Variants in PCDH7 observed in about 807,000 individuals in gnomAD.
PCDH7 encodes protocadherin-7.
Under a neutral mutation model 58.9 loss-of-function variants are expected in PCDH7, and 17 were observed. The observed-to-expected ratio is 0.29, with a 90% confidence interval of 0.20 to 0.43. The LOEUF is 0.43. Among genes scored for constraint, PCDH7 ranks in the 20% least tolerant of loss-of-function variants. The probability of loss-of-function intolerance (pLI) is 1.00; values close to 1 mark genes in which losing one functional copy is unlikely to be tolerated. For synonymous variants in PCDH7, 664 were observed against 616.4 expected (o/e 1.08, Z -1.14); for missense variants, 1,274 against 1,441.0 (o/e 0.88, Z 1.88).
chr4:31,047,804 G>T (rs1459507088), intron 3 of PCDH7, among the ~76,000 whole-genome samples: 5 of 151,978 alleles, frequency 3.3e-5, no homozygotes, highest in African/African-American at 9.7e-5. Context: ...TTTCTTCCTT[G>T]AGGCTCCTAT....
intron 3 of PCDH7, among the ~76,000 whole-genome samples, chr4:31,097,779 T>C (rs909978382): frequency 2.0e-5 from 3 of 151,444 alleles, no homozygotes; most frequent in Non-Finnish European, 4.4e-5. Context: ...TAGCTCTGCC[T>C]TTTTATATGT....
At chr4:30,842,232 T>A (rs999966824) in intron 1 of PCDH7, among the ~76,000 whole-genome samples, 3 of 152,126 alleles carry the variant, frequency 2.0e-5, no homozygotes, top group Admixed American at 6.6e-5. Context: ...TGGTGCTCTG[T>A]ATATGGGGTT....
intron 3 of PCDH7, among the ~76,000 whole-genome samples, chr4:31,080,982 C>A (rs1759453717): frequency 6.6e-6 from 1 of 152,292 alleles, no homozygotes; most frequent in South Asian, 2.1e-4. Flanking sequence ...TAAGACATGC[C>A]TTTCACTTTC....
chr4:30,992,010 A>G (rs964223754), intron 3 of PCDH7, among the ~76,000 whole-genome samples: 7 of 152,182 alleles, frequency 4.6e-5, no homozygotes, highest in Non-Finnish European at 8.8e-5. Flanking sequence ...CAGATGAATG[A>G]TCAAGTCCTA....
At chr4:30,822,282 T>A (rs886187167) in intron 1 of PCDH7, among the ~76,000 whole-genome samples, 21 of 152,174 alleles carry the variant, frequency 1.4e-4, no homozygotes, top group African/African-American at 5.1e-4. Context: ...TGAGTAAAAA[T>A]TTGAAGCTTT....
rs1207063539 is a variant in PCDH7 at position 30,720,442 on chromosome 4, C to CT, written c.-980dup. ...ATGCAGGTGAGAAAAGGCACGGACTCTGCGGCTGCGAACCCAAACTTGGGC... is the reference window on the plus strand; with the variant it reads ...ATGCAGGTGAGAAAAGGCACGGACTCTTGCGGCTGCGAACCCAAACTTGGGC... On this transcript the variant is annotated 5_prime_UTR_variant, in exon 1 of 2. An upstream open reading frame in the 5' UTR gains an earlier in-frame stop. Transcript: ENST00000361762. The surrounding 1 kb of genome is among the most constrained non-coding windows in gnomAD (Gnocchi z 4.7). 6.5e-6 allele frequency: 1 copy of CT among 152,752 alleles called. No homozygotes were observed. Among genetic ancestry groups the CT allele is most frequent in the Non-Finnish European group, 1.5e-5 (1 of 68,106 alleles). 9.5% of individuals were successfully genotyped at this position (152,752 alleles called of 1,614,324 possible). A position where few individuals can be genotyped will look rare whatever the true frequency, so the allele number is the denominator to read the frequency against.
intron 3 of PCDH7, among the ~76,000 whole-genome samples, chr4:31,041,576 C>T (rs548276735): frequency 1.3e-4 from 19 of 151,788 alleles, no homozygotes; most frequent in Non-Finnish European, 2.6e-4. Context: ...GTTAAAGTTA[C>T]CCCCCACCCC....
intron 3 of PCDH7, among the ~76,000 whole-genome samples, chr4:31,001,232 A>T (rs1752339396): frequency 6.6e-6 from 1 of 152,114 alleles, no homozygotes; most frequent in Admixed American, 6.6e-5. Context: ...GTCATGTAGT[A>T]TAATTTGATT....
intron 3 of PCDH7, among the ~76,000 whole-genome samples, chr4:30,980,051 C>T (rs2109108844): frequency 6.6e-6 from 1 of 152,284 alleles, no homozygotes; most frequent in Non-Finnish European, 1.5e-5. Context: ...CTTTGTTATA[C>T]TGTTAGACTA....
chr4:30,860,389 A>T (rs1179529649), intron 1 of PCDH7, among the ~76,000 whole-genome samples: 1 of 151,388 alleles, frequency 6.6e-6, no homozygotes, highest in Non-Finnish European at 1.5e-5. Flanking sequence ...CAGAGAGGAC[A>T]TTGGCAAGTG....
intron 1 of PCDH7, among the ~76,000 whole-genome samples, chr4:30,804,148 GGTTAT>G (rs1725879583): frequency 6.6e-6 from 1 of 152,148 alleles, no homozygotes; most frequent in African/African-American, 2.4e-5. Context: ...GTTTAAAATA[GGTTAT>G]ATTATCATAT....
At chr4:30,734,945 C>G (rs1178150928), downstream of PCDH7, among the ~76,000 whole-genome samples, 1 of 152,026 alleles carries the variant, frequency 6.6e-6, no homozygotes, top group African/African-American at 2.4e-5. Context: ...GGCCGGAGTC[C>G]CTGCCTTCCT....
At chr4:30,815,057 C>T (rs760177541) in intron 1 of PCDH7, among the ~76,000 whole-genome samples, 2 of 151,676 alleles carry the variant, frequency 1.3e-5, no homozygotes, top group Non-Finnish European at 2.9e-5. Flanking sequence ...GAATACAGCT[C>T]AATTGTAAGT....
chr4:30,823,654 C>T (rs569564360), intron 1 of PCDH7, among the ~76,000 whole-genome samples: 1 of 152,152 alleles, frequency 6.6e-6, no homozygotes, highest in African/African-American at 2.4e-5. Context: ...ATATGAGACG[C>T]TTCTTGAAAT....
At chr4:30,978,260 C>T (rs139217843) in intron 3 of PCDH7, among the ~76,000 whole-genome samples, 6 of 152,242 alleles carry the variant, frequency 3.9e-5, no homozygotes, top group Non-Finnish European at 5.9e-5. Context: ...GAATGCTGGG[C>T]GTGACCTTGG....
intron 1 of PCDH7, among the ~76,000 whole-genome samples, chr4:30,867,831 A>T (rs1008164217): frequency 2.0e-5 from 3 of 152,074 alleles, no homozygotes; most frequent in Non-Finnish European, 4.4e-5. Flanking sequence ...CTTGCATTTT[A>T]TCAGAGGTGA....
chr4:30,866,785 T>C (rs1734935982), intron 1 of PCDH7, among the ~76,000 whole-genome samples: 1 of 152,096 alleles, frequency 6.6e-6, no homozygotes, highest in South Asian at 2.1e-4. Context: ...AAGACAATCG[T>C]TTACAGAGAA....
chr4:31,131,325 C>T (rs932904230), intron 3 of PCDH7, among the ~76,000 whole-genome samples: 1 of 152,078 alleles, frequency 6.6e-6, no homozygotes, highest in Non-Finnish European at 1.5e-5. Flanking sequence ...ATTGATTTCT[C>T]CCCTTTTTAT....
chr4:30,746,211 C>T (rs1454713387), intron 1 of PCDH7, among the ~76,000 whole-genome samples: 1 of 152,144 alleles, frequency 6.6e-6, no homozygotes, highest in East Asian at 1.9e-4. Context: ...TGGCTGAATA[C>T]TTTAAAATTA....
Sources: allele counts gnomAD v4.1 joint callset (sites outside exome capture counted in the v4.1 genomes callset), GRCh38; gene constraint gnomAD v4.1.1; non-coding constraint Gnocchi (gnomAD v3.1); transcripts MANE v1.5; gene names NCBI Gene and HGNC (gene_info 2026-07-23, HGNC 2026-07-21).